RPS6KA5: variants seen among roughly 807,000 people sequenced by gnomAD.
RPS6KA5 encodes ribosomal protein S6 kinase alpha-5.
RPS6KA5 carries 27 observed loss-of-function variants against 85.5 expected under a neutral mutation model. The ratio of observed to expected loss-of-function variants is 0.32; its 90% CI spans 0.23 to 0.44. The LOEUF is 0.44. Ranked by LOEUF, RPS6KA5 falls within the 20% of genes least tolerant of loss-of-function variation. RPS6KA5 has a pLI of 1.00. For missense variants in RPS6KA5, 811 were observed against 980.9 expected, an observed-to-expected ratio of 0.83 and a Z score of 2.31; for synonymous variants, 334 against 348.2, an observed-to-expected ratio of 0.96 and a Z score of 0.46.
chr14:91,017,031 AC>A (rs1566868250), intron 1 of RPS6KA5, among the ~76,000 whole-genome samples: 1 of 152,090 alleles, frequency 6.6e-6, no homozygotes. Context: ...TACTGTCATC[AC>A]CCAGTGGGCT....
At chr14:91,058,453 T>C (rs1467896766) in intron 1 of RPS6KA5, among the ~76,000 whole-genome samples, 2 of 152,228 alleles carry the variant, frequency 1.3e-5, no homozygotes, top group South Asian at 2.1e-4. Flanking sequence ...GGTTGCTCCT[T>C]GGTCATTTAG....
chr14:90,974,913 TA>T (rs1292767063), intron 3 of RPS6KA5, among the ~76,000 whole-genome samples: 1 of 152,232 alleles, frequency 6.6e-6, no homozygotes, highest in African/African-American at 2.4e-5. Flanking sequence ...AACTGGGTTT[TA>T]AATGAAAATT....
At chr14:90,914,011 T>TGATC (rs2035969401) in intron 7 of RPS6KA5, among the ~76,000 whole-genome samples, 1 of 152,194 alleles carries the variant, frequency 6.6e-6, no homozygotes, top group African/African-American at 2.4e-5. Flanking sequence ...AAACAGCAGG[T>TGATC]GATCCAGAGA....
chr14:91,059,908 G>A, intron 1 of RPS6KA5: 2 of 459,166 alleles, frequency 4.4e-6, no homozygotes, highest in Non-Finnish European at 5.7e-6. Flanking sequence ...CCCATCGCGG[G>A]GACCAGAGGG....
At chr14:91,028,073 G>C (rs10136969) in intron 1 of RPS6KA5, among the ~76,000 whole-genome samples, 3,483 of 152,264 alleles carry the variant, frequency 0.023, 100 homozygotes, top group African/African-American at 0.066. Flanking sequence ...AGTAAGACCT[G>C]TCAAATAAAT....
intron 7 of RPS6KA5, among the ~76,000 whole-genome samples, chr14:90,908,195 A>C (rs2035615807): frequency 6.6e-6 from 1 of 152,210 alleles, no homozygotes; most frequent in Non-Finnish European, 1.5e-5. Flanking sequence ...GTACCCAAAA[A>C]CAGAAATGGC....
intron 1 of RPS6KA5, among the ~76,000 whole-genome samples, chr14:91,006,950 C>G (rs2140620595): frequency 6.6e-6 from 1 of 152,320 alleles, no homozygotes; most frequent in African/African-American, 2.4e-5. Flanking sequence ...AAGTAGGACA[C>G]CTCACTTAGG....
chr14:91,056,731 C>T (rs2043332875), intron 1 of RPS6KA5, among the ~76,000 whole-genome samples: 1 of 151,296 alleles, frequency 6.6e-6, no homozygotes, highest in African/African-American at 2.5e-5. Flanking sequence ...GTAAGATAAC[C>T]CAATCTCCTT....
intron 3 of RPS6KA5, among the ~76,000 whole-genome samples, chr14:90,960,977 C>A (rs1426274805): frequency 6.6e-6 from 1 of 152,150 alleles, no homozygotes; most frequent in Admixed American, 6.5e-5. Flanking sequence ...TGGCTACTGA[C>A]GTTTGTACGG....
chr14:90,922,398 G>A (rs1350980221), intron 6 of RPS6KA5, among the ~76,000 whole-genome samples: 2 of 152,144 alleles, frequency 1.3e-5, no homozygotes, highest in Non-Finnish European at 2.9e-5. Context: ...CTTCTGTATT[G>A]CATTGTGGTT....
At chr14:90,891,816 C>T (rs1004408272) in intron 13 of RPS6KA5, among the ~76,000 whole-genome samples, 2 of 152,072 alleles carry the variant, frequency 1.3e-5, no homozygotes, top group Admixed American at 6.6e-5. Flanking sequence ...TTGATGGATG[C>T]GTGCTTGGGA....
rs2032327308 is a variant in RPS6KA5, at chr14:90,857,208, C to T, written c.*14866G>A. On this transcript the variant is annotated 3_prime_UTR_variant, in exon 17 of 17. Transcript: ENST00000614987. Reference sequence around the variant, plus strand: ...AAGTTTCAAAAGTGGGAAAGAATAACAAAGACAGGAATAGAATCCTTGATC... The same window carrying T: ...AAGTTTCAAAAGTGGGAAAGAATAATAAAGACAGGAATAGAATCCTTGATC... 1 of 152,004 alleles carries T rather than the reference C, an allele frequency of 6.6e-6. No individual in the cohort carries two copies. The highest frequency in any genetic ancestry group is 1.5e-5 in the Non-Finnish European group (1 of 67,970). 9.4% of individuals were successfully genotyped at this position (152,004 alleles called of 1,614,324 possible). A position where few individuals can be genotyped will look rare whatever the true frequency, so the allele number is the denominator to read the frequency against.
chr14:91,012,643 G>GAGCT (rs2041309973), intron 1 of RPS6KA5, among the ~76,000 whole-genome samples: 1 of 152,172 alleles, frequency 6.6e-6, no homozygotes, highest in Non-Finnish European at 1.5e-5. Flanking sequence ...AGAACTCTTA[G>GAGCT]AGCTACTTGG....
chr14:90,876,937 G>A (rs953568646), intron 14 of RPS6KA5, among the ~76,000 whole-genome samples: 11 of 152,184 alleles, frequency 7.2e-5, no homozygotes, highest in Admixed American at 6.5e-4. Flanking sequence ...TGGTGAAACA[G>A]CTCTTACACA....
intron 1 of RPS6KA5, among the ~76,000 whole-genome samples, chr14:91,001,474 T>C (rs754951799): frequency 3.9e-5 from 6 of 152,176 alleles, no homozygotes; most frequent in Non-Finnish European, 7.4e-5. Context: ...AATATGTAGA[T>C]AGATACATAG....
intron 12 of RPS6KA5, among the ~76,000 whole-genome samples, chr14:90,897,828 C>G (rs1023744347): frequency 6.6e-6 from 1 of 152,146 alleles, no homozygotes; most frequent in East Asian, 1.9e-4. Flanking sequence ...TAAGATCACC[C>G]GTTGATTCCT....
chr14:90,991,069 G>C (rs1232235444), intron 2 of RPS6KA5, among the ~76,000 whole-genome samples: 1 of 152,068 alleles, frequency 6.6e-6, no homozygotes, highest in Non-Finnish European at 1.5e-5. Flanking sequence ...AGAATATCAG[G>C]GTAAGCTGGG....
intron 3 of RPS6KA5, among the ~76,000 whole-genome samples, chr14:90,971,231 C>T (rs1356536990): frequency 9.2e-5 from 14 of 152,076 alleles, no homozygotes; most frequent in Admixed American, 7.2e-4. Context: ...GCAGGAGAAT[C>T]GCTTGAACCT....
chr14:90,905,415 A>T (rs779270965), intron 8 of RPS6KA5, among the ~76,000 whole-genome samples: 10 of 152,220 alleles, frequency 6.6e-5, no homozygotes, highest in African/African-American at 2.2e-4. Flanking sequence ...TTTAAAAGTC[A>T]TATCTCCAGA....
Sources: gnomAD v4.1 joint callset for allele counts (sites outside exome capture counted in the v4.1 genomes callset) on GRCh38, gnomAD v4.1.1 for gene constraint, MANE v1.5 for transcripts, NCBI Gene and HGNC (gene_info 2026-07-23, HGNC 2026-07-21) for gene names.